Variants in KIAA0825 observed in about 807,000 individuals in gnomAD.
KIAA0825 encodes uncharacterized protein KIAA0825.
A neutral mutation model predicts 147.6 loss-of-function variants in KIAA0825; 119 were observed. That is an observed-to-expected ratio of 0.81 (90% CI 0.69 to 0.94). The LOEUF is 0.94. Ranked by LOEUF, KIAA0825 falls within the 40% of genes least tolerant of loss-of-function variation. The pLI, the probability that KIAA0825 is intolerant of heterozygous loss-of-function variation, is 0.00. For missense variants in KIAA0825, 1,381 were observed against 1,472.7 expected, an observed-to-expected ratio of 0.94 and a Z score of 1.02; for synonymous variants, 470 against 518.1, an observed-to-expected ratio of 0.91 and a Z score of 1.26.
chr5:94,303,838 C>G (rs1391505549), intron 20 of KIAA0825, among the ~76,000 whole-genome samples: 4 of 151,954 alleles, frequency 2.6e-5, no homozygotes, highest in Non-Finnish European at 5.9e-5. Flanking sequence ...AACAGGAGTT[C>G]CCAAGGTGTG....
At chr5:94,497,366 C>G (rs920734765) in intron 5 of KIAA0825, among the ~76,000 whole-genome samples, 11 of 152,090 alleles carry the variant, frequency 7.2e-5, no homozygotes, top group Admixed American at 5.9e-4. Context: ...CCCTCAAACA[C>G]CAAGTTCTAT....
chr5:94,295,701 G>A (rs1778102599), intron 20 of KIAA0825, among the ~76,000 whole-genome samples: 1 of 152,166 alleles, frequency 6.6e-6, no homozygotes, highest in African/African-American at 2.4e-5. Context: ...GTCTGCTGGA[G>A]TTTGCTGGAG....
In KIAA0825 at chr5:94,569,449, A is replaced by C. The variant is rs532102115; in HGVS notation, c.-2+12984T>G. On this transcript the variant is annotated intron_variant, in intron 2 of 20. Coordinates refer to ENST00000682413, the MANE Select transcript of KIAA0825 (RefSeq NM_001145678.3). ...CCATTACTAAAACCACACTTAACAA[A>C]AATAAAGCATATGTCATTATTCTCG... 3 of 408,814 alleles carry C rather than the reference A, an allele frequency of 7.3e-6. No homozygotes were observed. In the East Asian group the frequency reaches 1.1e-4, roughly 15 times the overall value. The allele number at this position is 408,814 out of a possible 1,614,324, so 25.3% of individuals were successfully genotyped here.
At chr5:94,501,605 A>T (rs1393934892) in intron 5 of KIAA0825, among the ~76,000 whole-genome samples, 1 of 152,220 alleles carries the variant, frequency 6.6e-6, no homozygotes, top group Non-Finnish European at 1.5e-5. Flanking sequence ...ATGATGCAAG[A>T]GGGGTCAGGT....
rs117693791 is a variant in KIAA0825 at position 94,273,041 on chromosome 5, G to C, written c.3710+111327C>G. ...ATATTGTCCTATATGGATAAGCAGG[G>C]TGGCCTTGCAGCTGTGGCATTTGTG... is the stretch of plus-strand genomic sequence containing the variant. On this transcript the variant is annotated intron_variant, in intron 20 of 20. Coordinates refer to ENST00000682413, the MANE Select transcript of KIAA0825 (RefSeq NM_001145678.3). Among the ~76,000 whole-genome samples, 110 of 152,290 alleles carry C rather than the reference G, an allele frequency of 7.2e-4. 3 individuals carry two copies. The East Asian group carries it at 0.02, about 28-fold the overall frequency.
At chr5:94,182,277 TGAGACAGGGC>T (rs1769721669) in intron 20 of KIAA0825, among the ~76,000 whole-genome samples, 1 of 134,652 alleles carries the variant, frequency 7.4e-6, no homozygotes, top group Non-Finnish European at 1.6e-5. Flanking sequence ...TTTTTTTTTT[TGAGACAGGGC>T]CTTTCTCTGT....
intron 20 of KIAA0825, among the ~76,000 whole-genome samples, chr5:94,296,300 G>A (rs1340547753): frequency 1.3e-5 from 2 of 152,110 alleles, no homozygotes; most frequent in East Asian, 1.9e-4. Context: ...CTGCTGTGCT[G>A]GCAGTGAGAA....
intron 1 of KIAA0825, among the ~76,000 whole-genome samples, chr5:94,613,769 G>A (rs1016685778): frequency 2.0e-4 from 31 of 152,340 alleles, no homozygotes; most frequent in Non-Finnish European, 3.5e-4. Flanking sequence ...TCCTCCAGAA[G>A]GGGGTGCCCT....
At chr5:94,408,734 A>G (rs1157459658) in intron 15 of KIAA0825, among the ~76,000 whole-genome samples, 6 of 152,176 alleles carry the variant, frequency 3.9e-5, no homozygotes, top group South Asian at 4.1e-4. Context: ...CAGGAATTCA[A>G]TGTAAAACAT....
At chr5:94,414,138 T>C (rs1051935698) in intron 15 of KIAA0825, 4 of 152,326 alleles carry the variant, frequency 2.6e-5, no homozygotes, top group Admixed American at 2.6e-4. Context: ...TGCTAGGTTA[T>C]GGAAAACTTT....
chr5:94,194,697 T>C (rs913194343), intron 20 of KIAA0825, among the ~76,000 whole-genome samples: 2 of 152,202 alleles, frequency 1.3e-5, no homozygotes, highest in African/African-American at 4.8e-5. Flanking sequence ...CCTATCAAGA[T>C]TACATCTTCT....
At chr5:94,594,745 G>C (rs1002886507) in intron 1 of KIAA0825, 1 of 623,728 alleles carries the variant, frequency 1.6e-6, no homozygotes, top group African/African-American at 1.8e-5. Flanking sequence ...AAGGATGCTT[G>C]GATGGACTAC....
chr5:94,509,877 C>T (rs568500536), intron 5 of KIAA0825, among the ~76,000 whole-genome samples: 1 of 152,178 alleles, frequency 6.6e-6, no homozygotes, highest in South Asian at 2.1e-4. Context: ...CTAAGAAAAA[C>T]TATAAGAAAA....
At chr5:94,172,071 TATA>T (rs1466784968) in intron 20 of KIAA0825, among the ~76,000 whole-genome samples, 2 of 152,122 alleles carry the variant, frequency 1.3e-5, no homozygotes, top group African/African-American at 2.4e-5. Context: ...TTAAAAGACA[TATA>T]ATAATAAAAC....
chr5:94,386,711 T>C (rs1749194707), intron 18 of KIAA0825, among the ~76,000 whole-genome samples: 1 of 152,202 alleles, frequency 6.6e-6, no homozygotes. Flanking sequence ...TTGTCACTGG[T>C]TCACATATTA....
chr5:94,515,579 G>GT (rs915415973), intron 5 of KIAA0825, among the ~76,000 whole-genome samples: 1 of 152,062 alleles, frequency 6.6e-6, no homozygotes, highest in African/African-American at 2.4e-5. Context: ...ATCACCTGAG[G>GT]TAAGGAGTTT....
intron 1 of KIAA0825, among the ~76,000 whole-genome samples, chr5:94,603,341 G>T (rs185139294): frequency 7.2e-5 from 11 of 152,216 alleles, no homozygotes; most frequent in African/African-American, 2.2e-4. Context: ...CATAAATGAA[G>T]GAGAAATAAG....
chr5:94,247,516 AGGAAGATGTCAGGAAACCTTT>A (rs144803825), intron 20 of KIAA0825, among the ~76,000 whole-genome samples: 4,159 of 152,198 alleles, frequency 0.027, 206 homozygotes, highest in African/African-American at 0.095. Context: ...CTTAGATGTC[AGGAAGATGTCAGGAAACCTTT>A]CCTGACTCCC....
intron 20 of KIAA0825, among the ~76,000 whole-genome samples, chr5:94,378,692 A>G (rs568451908): frequency 6.6e-6 from 1 of 152,386 alleles, no homozygotes; most frequent in Non-Finnish European, 1.5e-5. Context: ...ACTGCTTTCC[A>G]CAAGGGCTGA....
Sources: allele counts gnomAD v4.1 joint callset (sites outside exome capture counted in the v4.1 genomes callset), GRCh38; gene constraint gnomAD v4.1.1; transcripts MANE v1.5; gene names NCBI Gene and HGNC (gene_info 2026-07-23, HGNC 2026-07-21).